LOC400499: variants seen among roughly 807,000 people sequenced by gnomAD.
the LOC400499 span, among the ~76,000 whole-genome samples, chr16:11,395,689 G>C: frequency 6.6e-6 from 1 of 152,198 alleles, no homozygotes; most frequent in South Asian, 2.1e-4. Context: ...CAAGGGAGAT[G>C]GTATTTGTTC....
chr16:11,377,345 TAATAGCTC>T, the LOC400499 span, among the ~76,000 whole-genome samples: 2 of 152,250 alleles, frequency 1.3e-5, no homozygotes, highest in Admixed American at 1.3e-4. Flanking sequence ...TTTTCTTTCT[TAATAGCTC>T]TAGCTAGGAT....
At chr16:11,504,794 G>C in the LOC400499 span, among the ~76,000 whole-genome samples, 1 of 152,084 alleles carries the variant, frequency 6.6e-6, no homozygotes, top group African/African-American at 2.4e-5. Context: ...ATGGTGGCAT[G>C]AGCCTGTAAT....
At chr16:11,419,307 C>G in the LOC400499 span, among the ~76,000 whole-genome samples, 1 of 151,996 alleles carries the variant, frequency 6.6e-6, no homozygotes, top group South Asian at 2.1e-4. Context: ...TTATCTACAA[C>G]TATCTGATCT....
At chr16:11,398,629 T>A in the LOC400499 span, 1 of 742,894 alleles carries the variant, frequency 1.3e-6, no homozygotes, top group Non-Finnish European at 1.8e-6. Flanking sequence ...GTCAGAGCTC[T>A]CATCAGCCAC....
chr16:11,392,256 G>A, the LOC400499 span: 1 of 398,986 alleles, frequency 2.5e-6, no homozygotes. Context: ...CTGGCACGGG[G>A]GCCTCTGCCC....
At chr16:11,489,192 T>C in the LOC400499 span, among the ~76,000 whole-genome samples, 1 of 152,132 alleles carries the variant, frequency 6.6e-6, no homozygotes, top group Non-Finnish European at 1.5e-5. Context: ...CTTGGGGTGG[T>C]CCCTCTGCCT....
At chr16:11,379,341 G>A in the LOC400499 span, among the ~76,000 whole-genome samples, 1 of 152,174 alleles carries the variant, frequency 6.6e-6, no homozygotes, top group African/African-American at 2.4e-5. Flanking sequence ...AATATATTTA[G>A]GAGCTCTGAG....
chr16:11,463,563 C>A, the LOC400499 span, among the ~76,000 whole-genome samples: 1 of 151,584 alleles, frequency 6.6e-6, no homozygotes, highest in African/African-American at 2.4e-5. Flanking sequence ...TGTGTGTGAA[C>A]GTATGTATAC....
the LOC400499 span, among the ~76,000 whole-genome samples, chr16:11,434,435 G>A: frequency 6.6e-6 from 1 of 152,240 alleles, no homozygotes; most frequent in East Asian, 1.9e-4. Flanking sequence ...GGGGAATGGT[G>A]TCTGAAGTTG....
At chr16:11,390,548 G>A in the LOC400499 span, 27 of 1,063,106 alleles carry the variant, frequency 2.5e-5, no homozygotes, top group Non-Finnish European at 3.2e-5. Flanking sequence ...GCCTCGAGGA[G>A]ATAGGGCCTG....
chr16:11,485,063 C>A, the LOC400499 span: 4 of 398,830 alleles, frequency 1.0e-5, no homozygotes, highest in African/African-American at 8.2e-5. Flanking sequence ...ATTTTCCAGC[C>A]GGAGCCCAAG....
At chr16:11,432,587 T>A in the LOC400499 span, among the ~76,000 whole-genome samples, 74 of 152,288 alleles carry the variant, frequency 4.9e-4, 1 homozygote, top group African/African-American at 1.8e-3. Context: ...AATGAGTGAT[T>A]GATAAATGTG....
chr16:11,447,749 G>C, the LOC400499 span, among the ~76,000 whole-genome samples: 8 of 152,098 alleles, frequency 5.3e-5, no homozygotes, highest in Non-Finnish European at 1.2e-4. Context: ...TAATGGAGGG[G>C]GCGAGGGATG....
chr16:11,463,911 G>A, the LOC400499 span, among the ~76,000 whole-genome samples: 71 of 152,226 alleles, frequency 4.7e-4, no homozygotes, highest in African/African-American at 1.6e-3. Context: ...GTCCACATGT[G>A]GACTGTGTGA....
chr16:11,392,178 G>T, the LOC400499 span: 4 of 399,050 alleles, frequency 1.0e-5, no homozygotes, highest in Non-Finnish European at 1.8e-5. Flanking sequence ...AGCAGCAGGT[G>T]TGGGCCTCAC....
chr16:11,373,917 G>C, the LOC400499 span, among the ~76,000 whole-genome samples: 1 of 152,152 alleles, frequency 6.6e-6, no homozygotes, highest in Non-Finnish European at 1.5e-5. Flanking sequence ...ACCTTGCCTG[G>C]CCGGGAAGCA....
At chr16:11,465,782 G>GAAAAAAA in the LOC400499 span, among the ~76,000 whole-genome samples, 3 of 143,510 alleles carry the variant, frequency 2.1e-5, no homozygotes, top group Non-Finnish European at 4.5e-5. Context: ...TGGGCAGAGA[G>GAAAAAAA]GGAAAAGAGA....
chr16:11,456,724 G>A, the LOC400499 span: 1 of 332,194 alleles, frequency 3.0e-6, no homozygotes. Flanking sequence ...CACTGTGCCT[G>A]GCCCAGTTTG....
chr16:11,417,951 T>C, the LOC400499 span: 1 of 397,452 alleles, frequency 2.5e-6, no homozygotes, highest in African/African-American at 2.1e-5. Flanking sequence ...TCCACGTCGC[T>C]GTGATGGGAG....
Sources: allele counts gnomAD v4.1 joint callset (sites outside exome capture counted in the v4.1 genomes callset), GRCh38; gene constraint gnomAD v4.1.1; transcripts MANE v1.5.